Variants in POLN observed in about 807,000 individuals in gnomAD.
POLN encodes DNA polymerase nu.
In POLN, 108 loss-of-function variants were observed where a neutral mutation model predicts 113.5. The observed-to-expected ratio is 0.95, with a 90% CI of 0.81 to 1.12. The LOEUF is 1.12. Ranked by LOEUF, POLN falls within the 50% of genes most tolerant of loss-of-function variation. The pLI is 0.00. For synonymous variants in POLN, 386 were observed against 391.5 expected (o/e 0.99, Z 0.17); for missense variants, 1,097 against 1,077.1 (o/e 1.02, Z -0.26).
intron 5 of POLN, among the ~76,000 whole-genome samples, chr4:2,204,331 G>A (rs530830856): frequency 9.2e-5 from 14 of 151,940 alleles, no homozygotes; most frequent in Non-Finnish European, 1.9e-4. Flanking sequence ...ACATAAACTC[G>A]AAAACCTAGA....
chr4:2,098,858 T>A (rs768364725), intron 19 of POLN, among the ~76,000 whole-genome samples: 5 of 152,170 alleles, frequency 3.3e-5, no homozygotes, highest in African/African-American at 4.8e-5. Flanking sequence ...GAACCTGGAA[T>A]ATCTTTTAGT....
At chr4:2,138,630 G>A (rs554611704) in intron 16 of POLN, among the ~76,000 whole-genome samples, 12 of 152,278 alleles carry the variant, frequency 7.9e-5, no homozygotes, top group South Asian at 4.1e-4. Flanking sequence ...AGCCAGGCAC[G>A]GTGGCTCATA....
intron 7 of POLN, among the ~76,000 whole-genome samples, chr4:2,187,259 G>GTTTA (rs1402790844): frequency 2.0e-5 from 3 of 152,076 alleles, no homozygotes; most frequent in Non-Finnish European, 4.4e-5. Context: ...TTGTTTGTTT[G>GTTTA]TTTAGATGGA....
rs368466724 is a variant in POLN at position 2,171,119 on chromosome 4, C to T, written c.1437G>A (p.Thr479=). 7.4e-6 allele frequency: 12 copies of T among 1,613,246 alleles called. No homozygotes were observed. Among genetic ancestry groups the T allele is most frequent in the Middle Eastern group, 1.6e-4 (1 of 6,080 alleles). ...TTACCTCTCGAAGCTGGTTATTGCT[C>T]GTTATAAGAAACCGTTCTCCTGCAA... The part of the protein sequence containing the change: ...HFVAGERFLI[T]SNNQLREILF... Residue 479 remains threonine, a synonymous_variant, in exon 12 of 26, where the codon ACG becomes ACA. Transcript: ENST00000511885.
intron 13 of POLN, among the ~76,000 whole-genome samples, chr4:2,161,245 C>G (rs917580070): frequency 2.6e-5 from 4 of 152,250 alleles, no homozygotes; most frequent in Non-Finnish European, 4.4e-5. Flanking sequence ...GAGCCGGCTC[C>G]CTCAGCTTGC....
intron 20 of POLN, 103 bp downstream of exon 20, chr4:2,095,748 G>T: frequency 9.8e-7 from 1 of 1,021,006 alleles, no homozygotes; most frequent in Admixed American, 1.7e-5. Flanking sequence ...CAACACCCAG[G>T]GACTCACAGA....
chr4:2,079,477 G>A (rs1173966919), intron 23 of POLN: 2 of 985,544 alleles, frequency 2.0e-6, no homozygotes, highest in African/African-American at 3.5e-5. Flanking sequence ...TGTATGCATG[G>A]GTGAACACGT....
rs1281203617 is a variant in POLN at position 2,146,221 on chromosome 4, G to C, written c.1731+10567C>G. 2.0e-5 allele frequency among the ~76,000 whole-genome samples: 3 copies of C among 152,050 alleles called. No individual in the cohort carries two copies. In the East Asian group the frequency reaches 5.8e-4, roughly 29 times the overall value. On this transcript the variant is annotated intron_variant, in intron 16 of 25. Transcript: ENST00000511885. The stretch of plus-strand genomic sequence containing the variant: ...TAACAGGGGCTTTAAATGTTGTCAA[G>C]TAGGCCAGGCGTGGTGGCTCACACC...
chr4:2,209,480 GAA>G (rs1245386319), intron 4 of POLN, among the ~76,000 whole-genome samples: 31 of 72,208 alleles, frequency 4.3e-4, no homozygotes, highest in South Asian at 1.8e-3. Context: ...CTCCGTCTCA[GAA>G]AAAAAAAAAA....
intron 7 of POLN, among the ~76,000 whole-genome samples, chr4:2,183,888 CTTTTTT>C (rs34321496): frequency 4.1e-5 from 6 of 147,176 alleles, no homozygotes; most frequent in Admixed American, 2.0e-4. Context: ...TTCTTTTTTT[CTTTTTT>C]TTTTTGAGAC....
At chr4:2,190,476 AT>A (rs57891968) in intron 7 of POLN, among the ~76,000 whole-genome samples, 339 of 147,278 alleles carry the variant, frequency 2.3e-3, no homozygotes, top group Admixed American at 3.5e-3. Context: ...CTGGGCAATG[AT>A]TTTTTTTTTT....
chr4:2,161,894 A>T (rs182825425), intron 13 of POLN, among the ~76,000 whole-genome samples: 58 of 152,068 alleles, frequency 3.8e-4, no homozygotes, highest in Middle Eastern at 6.8e-3. Context: ...GTATCTAGCT[A>T]CTCTGGTGGG....
intron 19 of POLN, among the ~76,000 whole-genome samples, chr4:2,125,660 A>C (rs1731560035): frequency 6.6e-6 from 1 of 152,158 alleles, no homozygotes; most frequent in African/African-American, 2.4e-5. Context: ...TCAGAGGAAC[A>C]CAGCTTCCTA....
chr4:2,135,480 C>T (rs563336271), intron 16 of POLN, among the ~76,000 whole-genome samples: 15 of 152,294 alleles, frequency 9.8e-5, no homozygotes, highest in African/African-American at 2.4e-4. Context: ...AACACTGCTG[C>T]GCTTCTCTAT....
intron 13 of POLN, among the ~76,000 whole-genome samples, chr4:2,166,814 C>T (rs1167677191): frequency 6.6e-6 from 1 of 152,106 alleles, no homozygotes; most frequent in East Asian, 1.9e-4. Flanking sequence ...GGCTTTCAGG[C>T]TTGGACTGAG....
intron 2 of POLN, chr4:2,238,616 T>A (rs761612184): frequency 1.9e-6 from 3 of 1,591,082 alleles, no homozygotes; most frequent in Non-Finnish European, 1.7e-6. Flanking sequence ...ATGAGTAGAA[T>A]AATCCTTAGT....
intron 19 of POLN, among the ~76,000 whole-genome samples, chr4:2,112,083 A>G (rs1356269211): frequency 2.6e-5 from 4 of 152,234 alleles, no homozygotes; most frequent in South Asian, 2.1e-4. Context: ...ATAATGCTGC[A>G]TATCTACAAC....
intron 22 of POLN, 151 bp from the exon 23 acceptor site, chr4:2,081,187 G>A (rs762421629): frequency 6.3e-7 from 1 of 1,588,952 alleles, no homozygotes; most frequent in African/African-American, 1.3e-5. Flanking sequence ...GATGACTGCA[G>A]GCAGACACTT....
chr4:2,212,737 T>C (rs1734022566), intron 4 of POLN, among the ~76,000 whole-genome samples: 2 of 152,076 alleles, frequency 1.3e-5, no homozygotes. Flanking sequence ...GATATAATTT[T>C]CATACTTCAG....
Sources: gnomAD v4.1 joint callset for allele counts (sites outside exome capture counted in the v4.1 genomes callset) on GRCh38, gnomAD v4.1.1 for gene constraint, MANE v1.5 for transcripts, NCBI Gene and HGNC (gene_info 2026-07-23, HGNC 2026-07-21) for gene names.